Variants in MAML3 observed in about 807,000 individuals in gnomAD.
MAML3 encodes mastermind-like protein 3.
Under a neutral mutation model 101.9 loss-of-function variants are expected in MAML3, and 27 were observed. The ratio of observed to expected loss-of-function variants is 0.27; its 90% CI spans 0.20 to 0.37. The LOEUF (loss-of-function observed/expected upper bound fraction) is 0.37, where lower values mean the gene tolerates loss of function less well. Ranked by LOEUF, MAML3 falls within the 10% of genes least tolerant of loss-of-function variation. The pLI is 1.00. For synonymous variants in MAML3, 501 were observed against 555.9 expected (o/e 0.90, Z 1.39); for missense variants, 1,316 against 1,444.9 (o/e 0.91, Z 1.45).
chr4:140,040,580 T>G (rs1368687450), intron 1 of MAML3, among the ~76,000 whole-genome samples: 4 of 152,190 alleles, frequency 2.6e-5, no homozygotes, highest in Non-Finnish European at 4.4e-5. Context: ...CAACAGAAAT[T>G]AGAAACTTCA....
chr4:139,972,639 A>G (rs531886921), intron 1 of MAML3, among the ~76,000 whole-genome samples: 7 of 152,360 alleles, frequency 4.6e-5, no homozygotes, highest in South Asian at 4.1e-4. Flanking sequence ...AATGTTCCAT[A>G]TCATAATTGT....
rs60977680 is a variant in MAML3 at position 139,968,309 on chromosome 4, T to TAAA, written c.469-77345_469-77343dup. 2.0e-4 allele frequency among the ~76,000 whole-genome samples: 21 copies of TAAA among 106,306 alleles called. No homozygotes were observed. In the East Asian group the frequency reaches 3.6e-3, roughly 18 times the overall value. The allele number at this position is 106,306 out of a possible 152,430, so 69.7% of individuals were successfully genotyped here. ...TGGGCAACAGAGTGAGGCTCTGTCT[T>TAAA]AAAAAAAAAAAAAAAAAGAAAAAAG... is the stretch of plus-strand genomic sequence containing the variant. On this transcript the variant is annotated intron_variant, in intron 1 of 4. Coordinates refer to ENST00000509479, the MANE Select transcript of MAML3 (RefSeq NM_018717.5).
chr4:139,726,817 T>C (rs1728491014), intron 3 of MAML3, among the ~76,000 whole-genome samples: 1 of 152,156 alleles, frequency 6.6e-6, no homozygotes, highest in Non-Finnish European at 1.5e-5. Flanking sequence ...GCTACCAATA[T>C]GCTGGGAAGG....
chr4:139,891,383 A>G (rs1017292607), intron 1 of MAML3, among the ~76,000 whole-genome samples: 26 of 152,146 alleles, frequency 1.7e-4, no homozygotes, highest in African/African-American at 5.6e-4. Flanking sequence ...GGTTCAAGCG[A>G]TTCTGCTGCC....
At chr4:139,919,624 C>T (rs984759904) in intron 1 of MAML3, among the ~76,000 whole-genome samples, 2 of 152,176 alleles carry the variant, frequency 1.3e-5, no homozygotes, top group East Asian at 1.9e-4. Context: ...CTGAGGGAGG[C>T]GAACAGCACA....
chr4:139,893,530 T>C lies in MAML3; in HGVS notation c.469-2563A>G, dbSNP rs1732545674. ...GGCCTGCACCCAGTCCTCAGGTTCA[T>C]GGCAGGGGTTAATAAACAATTGCAA... On this transcript the variant is annotated intron_variant, in intron 1 of 4. Transcript: ENST00000509479. 2.0e-5 allele frequency among the ~76,000 whole-genome samples: 3 copies of C among 152,280 alleles called. No homozygotes were observed. The South Asian group carries it at 6.2e-4, about 32-fold the overall frequency.
At chr4:139,772,423 C>A (rs915236586) in intron 2 of MAML3, among the ~76,000 whole-genome samples, 2 of 151,188 alleles carry the variant, frequency 1.3e-5, no homozygotes, top group African/African-American at 2.4e-5. Context: ...CTCACTGCAA[C>A]CTCCGCCTCC....
intron 1 of MAML3, among the ~76,000 whole-genome samples, chr4:140,151,151 A>G (rs985803269): frequency 1.3e-5 from 2 of 151,982 alleles, no homozygotes; most frequent in African/African-American, 4.8e-5. Flanking sequence ...CCCCACGGCC[A>G]CGTTCCAAAA....
chr4:139,805,573 A>T (rs2111107132), intron 2 of MAML3, among the ~76,000 whole-genome samples: 1 of 152,292 alleles, frequency 6.6e-6, no homozygotes, highest in East Asian at 1.9e-4. Flanking sequence ...ACAAGAAGAA[A>T]ATTAGAGAAT....
intron 1 of MAML3, among the ~76,000 whole-genome samples, chr4:140,109,745 A>T (rs1728409777): frequency 6.6e-6 from 1 of 152,016 alleles, no homozygotes; most frequent in Non-Finnish European, 1.5e-5. Flanking sequence ...ACATATTTTC[A>T]CTTAGCACCA....
chr4:139,865,008 T>C (rs1731871263), intron 2 of MAML3, among the ~76,000 whole-genome samples: 1 of 150,266 alleles, frequency 6.7e-6, no homozygotes, highest in South Asian at 2.1e-4. Flanking sequence ...AAACATTTTA[T>C]TTATAAAACA....
At chr4:139,799,472 G>C (rs1730568617) in intron 2 of MAML3, among the ~76,000 whole-genome samples, 1 of 152,114 alleles carries the variant, frequency 6.6e-6, no homozygotes, top group African/African-American at 2.4e-5. Context: ...GTGCATGTGT[G>C]TATTAAGGAA....
intron 1 of MAML3, among the ~76,000 whole-genome samples, chr4:140,072,876 T>C (rs1323049305): frequency 6.6e-6 from 1 of 152,108 alleles, no homozygotes; most frequent in Admixed American, 6.5e-5. Flanking sequence ...CTGCATGAAG[T>C]TGCCACTTCT....
chr4:139,832,094 C>CTTTTTTTTTTTTTTTTTTTTTTTTT lies in MAML3; in HGVS notation c.2079+57238_2079+57262dup, dbSNP rs70943444. 1.2e-4 allele frequency among the ~76,000 whole-genome samples: 8 copies of CTTTTTTTTTTTTTTTTTTTTTTTTT among 64,702 alleles called. 2 individuals are homozygous for CTTTTTTTTTTTTTTTTTTTTTTTTT. Among genetic ancestry groups the CTTTTTTTTTTTTTTTTTTTTTTTTT allele is most frequent in the Non-Finnish European group, 1.3e-4 (4 of 29,894 alleles). 42.4% of individuals were successfully genotyped at this position (64,702 alleles called of 152,430 possible). ...AGGCGTGAGCCATCATGCCCAGCCCCTTTTTTTTTTTTTTTTTTTTTTTTT... is the reference window on the plus strand; with the variant it reads ...AGGCGTGAGCCATCATGCCCAGCCCCTTTTTTTTTTTTTTTTTTTTTTTTTTTTTTTTTTTTTTTTTTTTTTTTTT... On this transcript the variant is annotated intron_variant, in intron 2 of 4. Transcript: ENST00000509479.
chr4:140,033,347 C>T (rs1018159295), intron 1 of MAML3, among the ~76,000 whole-genome samples: 7 of 151,934 alleles, frequency 4.6e-5, no homozygotes, highest in African/African-American at 7.3e-5. Context: ...AAGAAGCTCA[C>T]GCAAAACCTG....
intron 2 of MAML3, among the ~76,000 whole-genome samples, chr4:139,848,087 T>C (rs1731480229): frequency 6.6e-6 from 1 of 152,180 alleles, no homozygotes; most frequent in South Asian, 2.1e-4. Context: ...GACAAGGAGC[T>C]TCAGTGGCTT....
chr4:139,977,894 C>CAAAAAACAA (rs563795621), intron 1 of MAML3, among the ~76,000 whole-genome samples: 74 of 142,630 alleles, frequency 5.2e-4, no homozygotes, highest in African/African-American at 2.0e-3. Flanking sequence ...AAACAAAAAA[C>CAAAAAACAA]AAAAAAAAAA....
intron 1 of MAML3, among the ~76,000 whole-genome samples, chr4:139,896,955 C>T (rs983788002): frequency 6.6e-6 from 1 of 152,138 alleles, no homozygotes; most frequent in Non-Finnish European, 1.5e-5. Flanking sequence ...TCTGCTGACA[C>T]GGGGGCCCCC....
intron 1 of MAML3, among the ~76,000 whole-genome samples, chr4:139,949,102 G>A (rs760262857): frequency 3.9e-5 from 6 of 152,074 alleles, no homozygotes; most frequent in East Asian, 3.9e-4. Context: ...TGCAACCTCC[G>A]CCTCCTGGGT....
Sources: allele counts gnomAD v4.1 joint callset (sites outside exome capture counted in the v4.1 genomes callset), GRCh38; gene constraint gnomAD v4.1.1; transcripts MANE v1.5; gene names NCBI Gene and HGNC (gene_info 2026-07-23, HGNC 2026-07-21).